Variants in NRG1 observed in about 807,000 individuals in gnomAD.
The protein encoded by NRG1 is neuregulin 1.
In NRG1, 18 loss-of-function variants were observed where a neutral mutation model predicts 63.8. That is an observed-to-expected ratio of 0.28 (90% CI 0.19 to 0.42). The LOEUF (loss-of-function observed/expected upper bound fraction) is 0.42. Among genes scored for constraint, NRG1 ranks in the 10% least tolerant of loss-of-function variants. The pLI is 1.00. For synonymous variants in NRG1, 302 were observed against 301.3 expected (o/e 1.00, Z -0.02); for missense variants, 762 against 814.7 (o/e 0.94, Z 0.79).
At chr8:32,646,999 GTGAA>G (rs1358275472) in intron 5 of NRG1, 2 of 985,132 alleles carry the variant, frequency 2.0e-6, no homozygotes, top group Non-Finnish European at 2.4e-6. Flanking sequence ...GAGGAAGAAA[GTGAA>G]TGAGCACTCA....
At chr8:32,651,685 AT>A (rs946130723) in intron 5 of NRG1, among the ~76,000 whole-genome samples, 6 of 152,152 alleles carry the variant, frequency 3.9e-5, no homozygotes, top group African/African-American at 1.4e-4. Context: ...ATGACAAACC[AT>A]TGTTACCGCA....
intron 1 of NRG1, among the ~76,000 whole-genome samples, chr8:32,118,468 A>T (rs1205366617): frequency 1.3e-5 from 2 of 152,088 alleles, no homozygotes; most frequent in African/African-American, 4.8e-5. Flanking sequence ...CAGATGCCAG[A>T]TCATTGCTTC....
intron 1 of NRG1, among the ~76,000 whole-genome samples, chr8:31,877,763 A>G (rs1396712709): frequency 1.3e-5 from 2 of 152,092 alleles, no homozygotes; most frequent in African/African-American, 4.8e-5. Flanking sequence ...ATTTTATTTT[A>G]TCATCTCAAT....
chr8:31,932,061 G>T (rs374781079), intron 1 of NRG1, among the ~76,000 whole-genome samples: 17 of 152,102 alleles, frequency 1.1e-4, no homozygotes, highest in African/African-American at 4.1e-4. Context: ...TCCTTAAAAA[G>T]GAAGGCTCAT....
intron 1 of NRG1, among the ~76,000 whole-genome samples, chr8:32,314,453 C>CG (rs57635867): frequency 0.97 from 147,032 of 152,248 alleles, 71,051 homozygotes; most frequent in East Asian, 1. Flanking sequence ...CGCGTGAAGA[C>CG]TAAGTAGACG....
chr8:32,061,803 G>A (rs1823921486), intron 1 of NRG1: 1 of 152,026 alleles, frequency 6.6e-6, no homozygotes, highest in Non-Finnish European at 1.5e-5. Context: ...TTGCTACATA[G>A]AGAGGACGTA....
At chr8:32,572,849 G>A (rs567432049) in intron 1 of NRG1, among the ~76,000 whole-genome samples, 1 of 151,914 alleles carries the variant, frequency 6.6e-6, no homozygotes, top group South Asian at 2.1e-4. Flanking sequence ...TTTCAAAGAA[G>A]GAAATCATCA....
In NRG1 at chr8:32,748,337, G is replaced by GCACACA. The variant is rs1310986635; in HGVS notation, c.691+5605_691+5606insACACAC. On this transcript the variant is annotated intron_variant, in intron 7 of 11. Coordinates refer to ENST00000356819, the Ensembl canonical transcript of NRG1. The stretch of plus-strand genomic sequence containing the variant: ...CATAGGCGCATGTACACGCGCGCGC[G>GCACACA]CGCACACACACACACACACACAGAG... Among the ~76,000 whole-genome samples the GCACACA allele has an allele frequency of 5.6e-3, 580 of 104,354 alleles. 3 individuals are homozygous for GCACACA. Among genetic ancestry groups the GCACACA allele is most frequent in the African/African-American group, 0.018 (554 of 30,704 alleles). The allele number at this position is 104,354 out of a possible 152,430, so 68.5% of individuals were successfully genotyped here.
At chr8:32,179,426 C>T (rs1355063925) in intron 1 of NRG1, among the ~76,000 whole-genome samples, 1 of 152,138 alleles carries the variant, frequency 6.6e-6, no homozygotes, top group Non-Finnish European at 1.5e-5. Context: ...CCATTTGTTT[C>T]TACTACTGAA....
intron 1 of NRG1, among the ~76,000 whole-genome samples, chr8:32,346,052 T>C (rs1338958345): frequency 6.8e-6 from 1 of 147,598 alleles, no homozygotes; most frequent in East Asian, 2.0e-4. Context: ...AATTATATAT[T>C]AATTCTATAT....
intron 1 of NRG1, among the ~76,000 whole-genome samples, chr8:32,494,245 TTG>T (rs538713901): frequency 6.6e-6 from 1 of 152,212 alleles, no homozygotes; most frequent in Non-Finnish European, 1.5e-5. Context: ...TGTAGAACAT[TTG>T]GAAACTACCA....
At chr8:32,013,576 C>T (rs1197690138) in intron 1 of NRG1, among the ~76,000 whole-genome samples, 2 of 152,066 alleles carry the variant, frequency 1.3e-5, no homozygotes, top group African/African-American at 2.4e-5. Flanking sequence ...CCTGATTAAA[C>T]TATAAGAGAC....
At chr8:32,222,991 C>T (rs954685476) in intron 1 of NRG1, among the ~76,000 whole-genome samples, 4 of 152,186 alleles carry the variant, frequency 2.6e-5, no homozygotes, top group African/African-American at 9.7e-5. Flanking sequence ...CAATGGCATT[C>T]TCTCAAAGAT....
chr8:32,490,520 A>T (rs1826432285), intron 1 of NRG1, among the ~76,000 whole-genome samples: 1 of 152,060 alleles, frequency 6.6e-6, no homozygotes, highest in African/African-American at 2.4e-5. Flanking sequence ...GTGATAGTTG[A>T]TTGGCATTGT....
intron 1 of NRG1, among the ~76,000 whole-genome samples, chr8:32,180,787 A>G (rs1200350233): frequency 1.3e-5 from 2 of 152,040 alleles, no homozygotes; most frequent in African/African-American, 4.8e-5. Flanking sequence ...TCTCCTAGCA[A>G]TTTTTGACTG....
At chr8:32,037,497 G>A (rs1819253730) in intron 1 of NRG1, among the ~76,000 whole-genome samples, 1 of 152,322 alleles carries the variant, frequency 6.6e-6, no homozygotes, top group African/African-American at 2.4e-5. Context: ...CATCAGGGCT[G>A]CCCTGACTCT....
chr8:32,764,102 C>T lies in NRG1; in HGVS notation c.1614C>T (p.Leu538=), dbSNP rs543637798. Residue 538 remains leucine, a synonymous_variant, in exon 12 of 12, where the codon CTC becomes CTT. Coordinates refer to ENST00000356819, the Ensembl canonical transcript of NRG1. Reference sequence around the variant, plus strand: ...CAGCCCAAGAGCCTGTTAAGAAACTCGCCAATAGCCGGCGGGCCAAAAGAA... The same window carrying T: ...CAGCCCAAGAGCCTGTTAAGAAACTTGCCAATAGCCGGCGGGCCAAAAGAA... The T allele has an allele frequency of 1.7e-5, 27 of 1,614,094 alleles. No individual in the cohort carries two copies. In the East Asian group the frequency reaches 3.3e-4, roughly 20 times the overall value.
intron 1 of NRG1, among the ~76,000 whole-genome samples, chr8:31,773,115 A>T (rs1390936007): frequency 6.6e-6 from 1 of 152,170 alleles, no homozygotes; most frequent in Non-Finnish European, 1.5e-5. Flanking sequence ...AGGGTTGTGG[A>T]ACCTATTTTT....
chr8:32,162,198 A>G (rs2131923054), intron 1 of NRG1, among the ~76,000 whole-genome samples: 1 of 152,344 alleles, frequency 6.6e-6, no homozygotes, highest in Non-Finnish European at 1.5e-5. Flanking sequence ...TAAACTTCAT[A>G]CATCTGTCAC....
Sources: allele counts gnomAD v4.1 joint callset (sites outside exome capture counted in the v4.1 genomes callset), GRCh38; gene constraint gnomAD v4.1.1; transcripts MANE v1.5; gene names NCBI Gene and HGNC (gene_info 2026-07-23, HGNC 2026-07-21).